Variants in SDK1 observed in about 807,000 individuals in gnomAD.
SDK1 encodes the protein sidekick cell adhesion molecule 1, also known as protein sidekick-1.
Under a neutral mutation model 245.5 loss-of-function variants are expected in SDK1, and 157 were observed. The observed-to-expected ratio is 0.64, with a 90% confidence interval of 0.56 to 0.73. The LOEUF (loss-of-function observed/expected upper bound fraction) is 0.73, where lower values mean the gene tolerates loss of function less well. Ranked by LOEUF, SDK1 falls within the 30% of genes least tolerant of loss-of-function variation. The probability of loss-of-function intolerance (pLI) is 0.00; values close to 1 mark genes in which losing one functional copy is unlikely to be tolerated. For synonymous variants in SDK1, 1,647 were observed against 1,278.5 expected (o/e 1.29, Z -6.15); for missense variants, 3,583 against 3,002.3 (o/e 1.19, Z -4.52).
chr7:4,207,965 C>G, intron 36 of SDK1, 134 bp from the exon 37 acceptor site: 1 of 683,264 alleles, frequency 1.5e-6, no homozygotes, highest in Non-Finnish European at 2.5e-6. Flanking sequence ...AGGAGGGAGC[C>G]TTTCCACCTT....
At chr7:3,453,621 A>G (rs1047863602) in intron 1 of SDK1, among the ~76,000 whole-genome samples, 2 of 152,210 alleles carry the variant, frequency 1.3e-5, no homozygotes, top group African/African-American at 4.8e-5. Context: ...GTAAGAGGCA[A>G]GGAGCAGATT....
intron 1 of SDK1, among the ~76,000 whole-genome samples, chr7:3,386,263 T>C (rs891074559): frequency 1.3e-5 from 2 of 151,720 alleles, no homozygotes; most frequent in African/African-American, 4.9e-5. Context: ...TTATACTTTA[T>C]CTATTAGAAG....
intron 1 of SDK1, among the ~76,000 whole-genome samples, chr7:3,579,591 G>A (rs1330646366): frequency 6.6e-6 from 1 of 152,174 alleles, no homozygotes; most frequent in Admixed American, 6.5e-5. Context: ...AAAGCTGGAA[G>A]CATTCCCTTT....
chr7:4,080,333 G>C (rs1780976265), intron 22 of SDK1, among the ~76,000 whole-genome samples: 1 of 152,158 alleles, frequency 6.6e-6, no homozygotes, highest in South Asian at 2.1e-4. Flanking sequence ...TGCTGGCATT[G>C]GTGAAGCCGT....
intron 1 of SDK1, among the ~76,000 whole-genome samples, chr7:3,369,599 C>T (rs990057173): frequency 1.3e-5 from 2 of 152,152 alleles, no homozygotes; most frequent in African/African-American, 4.8e-5. Context: ...TTTTACATCT[C>T]CTATTGAAGA....
Position 3,885,186 on chromosome 7 carries a change from C to A in SDK1, c.847+63603C>A, listed in dbSNP as rs192600242. Among the ~76,000 whole-genome samples the A allele has an allele frequency of 1.8e-3, 272 of 152,244 alleles. 5 individuals carry two copies. In the South Asian group the frequency reaches 0.027, roughly 15 times the overall value. On this transcript the variant is annotated intron_variant, in intron 5 of 44. Coordinates refer to ENST00000404826, the MANE Select transcript of SDK1 (RefSeq NM_152744.4). Reference sequence around the variant, plus strand: ...GAGGGCTGTGGGTCCGAGAGGCCTTCCCTGCTGGCCATGGCAGTCCCTAGT... The same window carrying A: ...GAGGGCTGTGGGTCCGAGAGGCCTTACCTGCTGGCCATGGCAGTCCCTAGT...
chr7:3,958,934 C>A lies in SDK1; in HGVS notation c.1154C>A (p.Pro385Gln). ...RATAFLFIIE[P>Q]PYFTAEPESR... ...TTTTTTATTTTCTTGTTTGAAGAGC[C>A]ACCATATTTTACTGCTGAGCCCGAG... Residue 385 changes from proline to glutamine, a missense_variant, in exon 8 of 45, where the codon CCA (proline) becomes CAA (glutamine). By Grantham distance (76) the Pro-to-Gln change is moderately conservative. Coordinates refer to ENST00000404826, the MANE Select transcript of SDK1 (RefSeq NM_152744.4). The A allele has an allele frequency of 6.2e-7, 1 of 1,612,982 alleles. No individual in the cohort carries two copies. The highest frequency in any genetic ancestry group is 1.3e-5 in the African/African-American group (1 of 74,942).
intron 4 of SDK1, among the ~76,000 whole-genome samples, chr7:3,723,825 CATATACACGTGT>C (rs1277889406): frequency 6.8e-6 from 1 of 147,112 alleles, no homozygotes; most frequent in African/African-American, 2.5e-5. Context: ...CGTACATATA[CATATACACGTGT>C]ATATACACGT....
intron 1 of SDK1, among the ~76,000 whole-genome samples, chr7:3,546,056 T>G (rs574675543): frequency 6.6e-6 from 1 of 152,198 alleles, no homozygotes; most frequent in African/African-American, 2.4e-5. Flanking sequence ...GATATAACTT[T>G]TAATCGTTGG....
chr7:3,953,126 C>A (rs74482907), intron 7 of SDK1, among the ~76,000 whole-genome samples: 18 of 151,524 alleles, frequency 1.2e-4, no homozygotes, highest in African/African-American at 3.6e-4. Flanking sequence ...CTCAGAGAGC[C>A]CCTTAAATAA....
At chr7:3,623,613 C>T (rs571771346) in intron 2 of SDK1, among the ~76,000 whole-genome samples, 7 of 152,178 alleles carry the variant, frequency 4.6e-5, no homozygotes, top group South Asian at 4.2e-4. Flanking sequence ...AGCAAGTTGA[C>T]GGTAATTCAG....
intron 4 of SDK1, among the ~76,000 whole-genome samples, chr7:3,722,172 G>C (rs1009748444): frequency 6.6e-6 from 1 of 152,100 alleles, no homozygotes; most frequent in African/African-American, 2.4e-5. Context: ...GAGCCACCAG[G>C]CCAGCCCAGG....
In SDK1 at chr7:3,439,162, A is replaced by G. The variant is rs549709604; in HGVS notation, c.298+137278A>G. ...ATCACCATGCCCGGCCCCCCTTTCT[A>G]TTAATTATCCAACATCTCAAATGTG... On this transcript the variant is annotated intron_variant, in intron 1 of 44. Coordinates refer to ENST00000404826, the MANE Select transcript of SDK1 (RefSeq NM_152744.4). 7.2e-5 allele frequency among the ~76,000 whole-genome samples: 11 copies of G among 152,158 alleles called. No individual in the cohort carries two copies. In the South Asian group the frequency reaches 1.7e-3, roughly 23 times the overall value.
intron 4 of SDK1, among the ~76,000 whole-genome samples, chr7:3,660,336 A>G (rs1783313354): frequency 6.6e-6 from 1 of 152,152 alleles, no homozygotes; most frequent in Admixed American, 6.5e-5. Context: ...CTGATTCTAC[A>G]TAAGCAGCTT....
At chr7:3,692,365 G>A (rs1353122231) in intron 4 of SDK1, among the ~76,000 whole-genome samples, 2 of 152,082 alleles carry the variant, frequency 1.3e-5, no homozygotes, top group Non-Finnish European at 2.9e-5. Flanking sequence ...GTGTGTCTGT[G>A]TGTGTGCACC....
intron 28 of SDK1, among the ~76,000 whole-genome samples, chr7:4,139,585 G>GTA (rs1562872113): frequency 2.1e-5 from 1 of 48,336 alleles, no homozygotes; most frequent in Non-Finnish European, 4.7e-5. Context: ...GTGTGTGTAT[G>GTA]TGTGTGTATA....
intron 1 of SDK1, among the ~76,000 whole-genome samples, chr7:3,467,656 T>A (rs928665633): frequency 1.3e-5 from 2 of 152,060 alleles, no homozygotes; most frequent in African/African-American, 2.4e-5. Flanking sequence ...AAGAACAAAG[T>A]TTGTTTAAAC....
intron 28 of SDK1, among the ~76,000 whole-genome samples, chr7:4,136,437 C>T (rs947326325): frequency 2.0e-5 from 3 of 152,234 alleles, no homozygotes; most frequent in African/African-American, 7.2e-5. Flanking sequence ...TACATAAACA[C>T]CTCTGCCGCC....
intron 4 of SDK1, among the ~76,000 whole-genome samples, chr7:3,766,518 G>C (rs536489144): frequency 6.6e-6 from 1 of 152,204 alleles, no homozygotes; most frequent in Non-Finnish European, 1.5e-5. Context: ...ATACTACTAA[G>C]TGTACCTGGT....
Sources: allele counts gnomAD v4.1 joint callset (sites outside exome capture counted in the v4.1 genomes callset), GRCh38; gene constraint gnomAD v4.1.1; transcripts MANE v1.5; gene names NCBI Gene and HGNC (gene_info 2026-07-23, HGNC 2026-07-21).